Variants in NPFFR1 observed in about 807,000 individuals in gnomAD.
NPFFR1 encodes neuropeptide FF receptor 1, also known as G-protein coupled receptor 147.
NPFFR1 carries 17 observed loss-of-function variants against 12.7 expected under a neutral mutation model. The ratio of observed to expected loss-of-function variants is 1.34; its 90% confidence interval spans 0.92 to 2.01. NPFFR1 has a LOEUF of 2.01. Ranked by LOEUF, NPFFR1 falls within the 30% of genes most tolerant of loss-of-function variation. The pLI is 0.00. For missense variants in NPFFR1, 604 were observed against 606.5 expected (o/e 1.00, Z 0.04); for synonymous variants, 296 against 264.5 (o/e 1.12, Z -1.16).
chr10:70,255,648 T>C lies in NPFFR1; in HGVS notation c.602A>G (p.Tyr201Cys). ...CTCGGGCCAGGCCTCCCAGCAGGAG[T>C]AGAGCGGGTAGGAGCGGTTGCGGGC... is the stretch of plus-strand genomic sequence containing the variant. ...VDARNRSYPLYSCWEAWPEKG... is the reference protein window; with the variant it reads ...VDARNRSYPLCSCWEAWPEKG... Residue 201 changes from tyrosine (Y) to cysteine (C), a missense_variant, in exon 4 of 4, where the codon TAC becomes TGC. Transcript: ENST00000277942. The surrounding 1 kb of genome is among the most constrained non-coding windows in gnomAD (Gnocchi z 4.2). The C allele has an allele frequency of 1.3e-6, 2 of 1,591,458 alleles. No individual in the cohort carries two copies. The highest frequency in any genetic ancestry group is 8.6e-7 in the Non-Finnish European group (1 of 1,169,496).
rs1840692433 is a variant in NPFFR1 at position 70,266,453 on chromosome 10, C to T, written c.8-62G>A. 18 of 1,333,978 alleles carry T rather than the reference C, an allele frequency of 1.3e-5. No individual in the cohort carries two copies. In the South Asian group the frequency reaches 2.4e-4, roughly 18 times the overall value. 82.6% of individuals were successfully genotyped at this position (1,333,978 alleles called of 1,614,324 possible). On this transcript the variant is annotated intron_variant, in intron 1 of 3. Coordinates refer to ENST00000277942, the MANE Select transcript of NPFFR1 (RefSeq NM_022146.5). The stretch of plus-strand genomic sequence containing the variant: ...CAAAGAAGAGATTACCGATTTCTCA[C>T]CACTAATGAGACCCTCTGTGTGCCA...
Position 70,255,119 on chromosome 10 carries a change from C to T in NPFFR1, c.1131G>A (p.Arg377=). 6.6e-7 allele frequency: 1 copy of T among 1,503,844 alleles called. No individual in the cohort carries two copies. The highest frequency in any genetic ancestry group is 8.9e-7 in the Non-Finnish European group (1 of 1,129,594). The allele number at this position is 1,503,844 out of a possible 1,614,324, so 93.2% of individuals were successfully genotyped here. The change falls in exon 4 of 4, where the codon CGG becomes CGA. Residue 377 remains arginine (R), a synonymous_variant. Transcript: ENST00000277942. The surrounding 1 kb of genome is among the most constrained non-coding windows in gnomAD (Gnocchi z 4.2). ...LLHRRVFVVV[R]PSDSGLPSES... ...CAGAGGGCAGCCCGGAGTCGCTGGGCCGCACCACCACGAAGACCCGCCTGT... is the reference window on the plus strand; with the variant it reads ...CAGAGGGCAGCCCGGAGTCGCTGGGTCGCACCACCACGAAGACCCGCCTGT...
chr10:70,281,485 T>C (rs1381108857), intron 1 of NPFFR1, among the ~76,000 whole-genome samples: 1 of 152,140 alleles, frequency 6.6e-6, no homozygotes, highest in Non-Finnish European at 1.5e-5. Flanking sequence ...ATCTCCCAAA[T>C]AGACTCCCTA....
chr10:70,255,437 C>T lies in NPFFR1; in HGVS notation c.813G>A (p.Met271Ile), dbSNP rs1840555320. The change falls in exon 4 of 4, where the codon ATG becomes ATA. Residue 271 changes from methionine to isoleucine, a missense_variant. Met to Ile is a conservative substitution (Grantham distance 10). Transcript: ENST00000277942. The surrounding 1 kb of genome is among the most constrained non-coding windows in gnomAD (Gnocchi z 4.2). ...ASRRRARVVHMLVMVALFFTL... is the reference protein window; with the variant it reads ...ASRRRARVVHILVMVALFFTL... ...TGAAGAACAGCGCCACCATGACCAG[C>T]ATGTGCACCACGCGCGCTCTGCGCC... 1 of 1,547,622 alleles carries T rather than the reference C, an allele frequency of 6.5e-7. No individual in the cohort carries two copies. Among genetic ancestry groups the T allele is most frequent in the African/African-American group, 1.4e-5 (1 of 73,020 alleles).
At chr10:70,267,846 G>A (rs1442136801) in intron 1 of NPFFR1, among the ~76,000 whole-genome samples, 1 of 152,198 alleles carries the variant, frequency 6.6e-6, no homozygotes, top group African/African-American at 2.4e-5. Flanking sequence ...GGGCTGCAGG[G>A]ACCAGCAGGG....
In NPFFR1 at chr10:70,254,977, T is replaced by C. The variant is rs1402423066; in HGVS notation, c.1273A>G (p.Ile425Val). ...GPGCSHLPLT[I>V]PAWDI ...CCCCCTCAGATATCCCAGGCTGGAATGGTGAGGGGCAGGTGGGAGCAGCCA... is the reference window on the plus strand; with the variant it reads ...CCCCCTCAGATATCCCAGGCTGGAACGGTGAGGGGCAGGTGGGAGCAGCCA... The change falls in exon 4 of 4, where the codon ATT (isoleucine) becomes GTT (valine). Residue 425 changes from isoleucine (I) to valine (V), a missense_variant. Physicochemically the swap from Ile to Val is conservative, Grantham distance 29. Transcript: ENST00000277942. 5 of 1,359,078 alleles carry C rather than the reference T, an allele frequency of 3.7e-6. No homozygotes were observed. In the East Asian group the frequency reaches 9.5e-5, roughly 26 times the overall value. 84.2% of individuals were successfully genotyped at this position (1,359,078 alleles called of 1,614,324 possible). A position where few individuals can be genotyped will look rare whatever the true frequency, so the allele number is the denominator to read the frequency against.
At position 70,255,895 on chromosome 10, in the gene NPFFR1, G is replaced by A; in HGVS notation, c.423-68C>T. Reference sequence around the variant, plus strand: ...GGGCCCCTGCGAGGGGACGGTGGGTGGGATGCGGGCACCTGACCTTCATCA... The same window carrying A: ...GGGCCCCTGCGAGGGGACGGTGGGTAGGATGCGGGCACCTGACCTTCATCA... On this transcript the variant is annotated intron_variant, in intron 3 of 3. Transcript: ENST00000277942. This position sits in a 1 kb window ranked among gnomAD's most constrained non-coding sequence, Gnocchi z 4.2. 1 of 1,493,334 alleles carries A rather than the reference G, an allele frequency of 6.7e-7. No individual in the cohort carries two copies. Among genetic ancestry groups the A allele is most frequent in the Admixed American group, 2.0e-5 (1 of 49,024 alleles). The allele number at this position is 1,493,334 out of a possible 1,614,324, so 92.5% of individuals were successfully genotyped here.
chr10:70,259,950 C>G (rs1234996742), intron 3 of NPFFR1, among the ~76,000 whole-genome samples: 2 of 152,184 alleles, frequency 1.3e-5, no homozygotes, highest in South Asian at 4.1e-4. Flanking sequence ...GCCTGCCCAC[C>G]TTTCCCTGGG....
rs1281590508 is a variant in NPFFR1, at chr10:70,253,741, A to G, written c.*1216T>C. 6.6e-6 allele frequency: 1 copy of G among 151,838 alleles called. No homozygotes were observed. The highest frequency in any genetic ancestry group is 1.5e-5 in the Non-Finnish European group (1 of 67,960). The allele number at this position is 151,838 out of a possible 1,614,324, so 9.4% of individuals were successfully genotyped here. A position where few individuals can be genotyped will look rare whatever the true frequency, so the allele number is the denominator to read the frequency against. On this transcript the variant is annotated 3_prime_UTR_variant, in exon 4 of 4. Coordinates refer to ENST00000277942, the MANE Select transcript of NPFFR1 (RefSeq NM_022146.5). Reference sequence around the variant, plus strand: ...CCGTGTTTTCTACAGAGGTGGGGGGAAATGTCCATTTAAGTGCAAGATGAA... The same window carrying G: ...CCGTGTTTTCTACAGAGGTGGGGGGGAATGTCCATTTAAGTGCAAGATGAA...
At chr10:70,279,221 A>C (rs1261716849) in intron 1 of NPFFR1, among the ~76,000 whole-genome samples, 1 of 152,140 alleles carries the variant, frequency 6.6e-6, no homozygotes, top group Non-Finnish European at 1.5e-5. Flanking sequence ...ATCTTGGCTC[A>C]CTGCAACCTC....
At chr10:70,282,222 T>C (rs1802300043) in intron 1 of NPFFR1, among the ~76,000 whole-genome samples, 2 of 152,212 alleles carry the variant, frequency 1.3e-5, no homozygotes, top group African/African-American at 4.8e-5. Context: ...CTCTATTTCC[T>C]CCTTATCCTC....
intron 1 of NPFFR1, 81 bp downstream of exon 1, chr10:70,283,589 G>A (rs1840884597): frequency 3.7e-6 from 5 of 1,338,744 alleles, no homozygotes; most frequent in Non-Finnish European, 5.2e-6. Flanking sequence ...TCAGCTGCCC[G>A]GCCCTCTCCT....
intron 3 of NPFFR1, among the ~76,000 whole-genome samples, chr10:70,256,926 T>C (rs1285914411): frequency 6.6e-6 from 1 of 152,170 alleles, no homozygotes; most frequent in African/African-American, 2.4e-5. Flanking sequence ...ACCTAATTAG[T>C]CTAGAAAGTG....
In NPFFR1 at chr10:70,248,471, T is replaced by G. The variant is rs1351091153; in HGVS notation, c.*6486A>C. The stretch of plus-strand genomic sequence containing the variant: ...GTACGTAGTACTATGCCTGGCGTTT[T>G]TTTTTTGTTTTTTGTTTTTTTTTTT... On this transcript the variant is annotated 3_prime_UTR_variant, in exon 4 of 4. Transcript: ENST00000277942. 2.2e-5 allele frequency: 2 copies of G among 89,168 alleles called. No homozygotes were observed. Among genetic ancestry groups the G allele is most frequent in the Non-Finnish European group, 4.9e-5 (2 of 40,636 alleles). The allele number at this position is 89,168 out of a possible 1,614,324, so 5.5% of individuals were successfully genotyped here. A position where few individuals can be genotyped will look rare whatever the true frequency, so the allele number is the denominator to read the frequency against.
chr10:70,260,593 C>T lies in NPFFR1; in HGVS notation c.422+47G>A, dbSNP rs570384706. The stretch of plus-strand genomic sequence containing the variant: ...TTAGAGGCAGTGGCTCCTCTTAATG[C>T]CAGGCCCTAGTTGGCTCAGGCATAA... On this transcript the variant is annotated intron_variant, in intron 3 of 3. Transcript: ENST00000277942. 14 of 1,512,784 alleles carry T rather than the reference C, an allele frequency of 9.3e-6. No individual in the cohort carries two copies. The African/African-American group carries it at 1.8e-4, about 19-fold the overall frequency. 93.7% of individuals were successfully genotyped at this position (1,512,784 alleles called of 1,614,324 possible). A position where few individuals can be genotyped will look rare whatever the true frequency, so the allele number is the denominator to read the frequency against.
intron 2 of NPFFR1, among the ~76,000 whole-genome samples, chr10:70,262,919 A>G (rs1263631338): frequency 6.6e-6 from 1 of 152,158 alleles, no homozygotes; most frequent in Non-Finnish European, 1.5e-5. Context: ...GCACTTTGGG[A>G]GGAAGAAGCA....
At chr10:70,263,398 G>C (rs530133248) in intron 2 of NPFFR1, among the ~76,000 whole-genome samples, 1 of 151,864 alleles carries the variant, frequency 6.6e-6, no homozygotes, top group Non-Finnish European at 1.5e-5. Context: ...TCACCCTCCC[G>C]AGTAGCTGGG....
At position 70,255,103 on chromosome 10, in the gene NPFFR1, G is replaced by A; in HGVS notation, c.1147C>T (p.Leu383=). 6.7e-7 allele frequency: 1 copy of A among 1,486,958 alleles called. No individual in the cohort carries two copies. The allele number at this position is 1,486,958 out of a possible 1,614,324, so 92.1% of individuals were successfully genotyped here. ...CTGCTAGGGCCCGACTCAGAGGGCAGCCCGGAGTCGCTGGGCCGCACCACC... is the reference window on the plus strand; with the variant it reads ...CTGCTAGGGCCCGACTCAGAGGGCAACCCGGAGTCGCTGGGCCGCACCACC... The part of the protein sequence containing the change: ...FVVVRPSDSG[L]PSESGPSSGA... Residue 383 remains leucine (L), a synonymous_variant, in exon 4 of 4, where the codon CTG becomes TTG. Transcript: ENST00000277942. This position sits in a 1 kb window ranked among gnomAD's most constrained non-coding sequence, Gnocchi z 4.2.
In NPFFR1 at chr10:70,255,572, C is replaced by T; in HGVS notation, c.678G>A (p.Leu226=). The change falls in exon 4 of 4, where the codon CTG becomes CTA. Residue 226 remains leucine (L), a synonymous_variant. Transcript: ENST00000277942. The surrounding 1 kb of genome is among the most constrained non-coding windows in gnomAD (Gnocchi z 4.2). ...YTTVLFSHIY[L]APLALIVVMY... is the part of the protein sequence containing the mutation. ...TGACCACGATGAGCGCCAGCGGCGC[C>T]AGGTAGATGTGCGAGAAGAGCACAG... is the stretch of plus-strand genomic sequence containing the variant. The T allele has an allele frequency of 1.3e-6, 2 of 1,551,600 alleles. No individual in the cohort carries two copies. The highest frequency in any genetic ancestry group is 1.7e-4 in the Middle Eastern group (1 of 5,996).
Sources: allele counts gnomAD v4.1 joint callset (sites outside exome capture counted in the v4.1 genomes callset), GRCh38; gene constraint gnomAD v4.1.1; non-coding constraint Gnocchi (gnomAD v3.1); transcripts MANE v1.5; gene names NCBI Gene and HGNC (gene_info 2026-07-23, HGNC 2026-07-21).